Variants in PC observed in about 807,000 individuals in gnomAD.
PC encodes pyruvate carboxylase, mitochondrial.
In PC, 46 loss-of-function variants were observed where a neutral mutation model predicts 107.8. That is an observed-to-expected ratio of 0.43 (90% CI 0.34 to 0.55). The LOEUF is 0.55. PC is among the 20% of genes least tolerant of loss of function. The pLI, the probability that PC is intolerant of heterozygous loss-of-function variation, is 0.04. For synonymous variants in PC, 662 were observed against 684.7 expected, an observed-to-expected ratio of 0.97 and a Z score of 0.52; for missense variants, 1,241 against 1,643.1, an observed-to-expected ratio of 0.76 and a Z score of 4.23.
In PC at chr11:66,858,438, A is replaced by C; in HGVS notation, c.1369-5055T>G. ...TCCCGCCCCCCTGGTGCTGAGCTTT[A>C]GCGGGAACCCCCTGCACTGCAACTG... On this transcript the variant is annotated intron_variant, in intron 12 of 22. Coordinates refer to ENST00000393960, the MANE Select transcript of PC (RefSeq NM_001040716.2). The surrounding 1 kb of genome is among the most constrained non-coding windows in gnomAD (Gnocchi z 5.9). 6.4e-7 allele frequency: 1 copy of C among 1,552,850 alleles called. No homozygotes were observed. The highest frequency in any genetic ancestry group is 1.9e-5 in the Admixed American group (1 of 52,392).
At chr11:66,856,018 G>C (rs1242214452) in intron 12 of PC, among the ~76,000 whole-genome samples, 1 of 125,384 alleles carries the variant, frequency 8.0e-6, no homozygotes, top group Non-Finnish European at 1.6e-5. Flanking sequence ...GACACGGGGA[G>C]GTGGTGACTT....
At position 66,866,218 on chromosome 11, in the gene PC, C is replaced by T. The variant is rs772035822; in HGVS notation, c.1154G>A (p.Arg385His). The T allele has an allele frequency of 1.1e-5, 18 of 1,610,924 alleles. No individual in the cohort carries two copies. Among genetic ancestry groups the T allele is most frequent in the Non-Finnish European group, 1.4e-5 (16 of 1,179,618 alleles). ...QCRVTTEDPA[R>H]SFQPDTGRIE... ...GCGGCCGGTGTCCGGCTGGAAGCTG[C>T]GCGCGGGGTCCTCGGTGGTGACCCG... Residue 385 changes from arginine to histidine, a missense_variant, in exon 11 of 23, where the codon CGC becomes CAC. By Grantham distance (29) the Arg-to-His change is conservative (BLOSUM62 0). Around this residue, in one of 2 missense-constraint regions of PC, gnomAD observed 1,143 missense variants for 1,551.9 expected, o/e 0.74. Transcript: ENST00000393960. This position sits in a 1 kb window ranked among gnomAD's most constrained non-coding sequence, Gnocchi z 5.4.
At chr11:66,931,336 A>C (rs946855155) in intron 3 of PC, among the ~76,000 whole-genome samples, 1 of 147,796 alleles carries the variant, frequency 6.8e-6, no homozygotes, top group Non-Finnish European at 1.5e-5. Flanking sequence ...CCGAGATGGC[A>C]CCACTGCACT....
intron 3 of PC, among the ~76,000 whole-genome samples, chr11:66,901,285 G>A (rs1947948456): frequency 6.6e-6 from 1 of 152,144 alleles, no homozygotes; most frequent in Admixed American, 6.5e-5. Context: ...ATGAGACAGA[G>A]GCACAGGCGG....
chr11:66,916,030 A>C (rs544699746), intron 3 of PC, among the ~76,000 whole-genome samples: 21 of 152,114 alleles, frequency 1.4e-4, no homozygotes, highest in African/African-American at 4.8e-4. Flanking sequence ...CAAACACACC[A>C]ACTGTGTTTC....
chr11:66,861,531 A>G (rs1188163827), intron 12 of PC, among the ~76,000 whole-genome samples: 1 of 152,072 alleles, frequency 6.6e-6, no homozygotes, highest in East Asian at 1.9e-4. Context: ...GCCCCAGAAC[A>G]TGCAGCTAGA....
chr11:66,849,448 C>T lies in PC; in HGVS notation c.3148-78G>A, dbSNP rs1945338597. 8 of 1,606,088 alleles carry T rather than the reference C, an allele frequency of 5.0e-6. No individual in the cohort carries two copies. The South Asian group carries it at 7.7e-5, about 15-fold the overall frequency. On this transcript the variant is annotated intron_variant, in intron 21 of 22. Transcript: ENST00000393960. The stretch of plus-strand genomic sequence containing the variant: ...CCCCCGGCCCTGGCCATAGGAAGTC[C>T]CCACACTGGGCCTTGGCTCCTCGTT...
intron 3 of PC, among the ~76,000 whole-genome samples, chr11:66,903,703 G>C (rs1296763482): frequency 1.5e-5 from 2 of 129,210 alleles, no homozygotes; most frequent in African/African-American, 6.0e-5. Flanking sequence ...AGCCAAGATG[G>C]TGCCATTGCA....
rs2135795545 is a variant in PC at position 66,850,355 on chromosome 11, C to T, written c.2583G>A (p.Val861=). Reference sequence around the variant, plus strand: ...GGCCCCCTGGGATCTCATTTTCATACACGTCCGAGTTGCCAGACTTCATGG... The same window carrying T: ...GGCCCCCTGGGATCTCATTTTCATATACGTCCGAGTTGCCAGACTTCATGG... The part of the protein sequence containing the change: ...TATMKSGNSD[V]YENEIPGGQY... The change falls in exon 19 of 23, where the codon GTG becomes GTA. Residue 861 remains valine, a synonymous_variant. Transcript: ENST00000393960. 2 of 1,614,138 alleles carry T rather than the reference C, an allele frequency of 1.2e-6. No individual in the cohort carries two copies. Among genetic ancestry groups the T allele is most frequent in the Non-Finnish European group, 1.7e-6 (2 of 1,180,030 alleles).
chr11:66,954,765 G>A (rs1240606504), intron 1 of PC, among the ~76,000 whole-genome samples: 1 of 152,122 alleles, frequency 6.6e-6, no homozygotes, highest in Admixed American at 6.5e-5. Flanking sequence ...CCAACATAGT[G>A]AAACCCCATC....
At chr11:66,942,543 G>A (rs532302024) in intron 3 of PC, among the ~76,000 whole-genome samples, 3 of 152,214 alleles carry the variant, frequency 2.0e-5, no homozygotes, top group Admixed American at 1.3e-4. Context: ...GTCCAATTCA[G>A]AGACAGAAAG....
intron 2 of PC, among the ~76,000 whole-genome samples, chr11:66,953,135 C>T (rs1412308645): frequency 3.9e-5 from 6 of 152,220 alleles, no homozygotes; most frequent in South Asian, 2.1e-4. Flanking sequence ...TAAGTAAAAC[C>T]CTTTTCTGCC....
chr11:66,856,424 G>A (rs1012766826), intron 12 of PC, among the ~76,000 whole-genome samples: 9 of 151,926 alleles, frequency 5.9e-5, no homozygotes, highest in Non-Finnish European at 1.2e-4. Flanking sequence ...GCGGGGCGGC[G>A]GGGGCGGGGC....
intron 3 of PC, among the ~76,000 whole-genome samples, chr11:66,924,181 G>A (rs1273493314): frequency 1.2e-4 from 17 of 145,678 alleles, no homozygotes; most frequent in South Asian, 4.3e-4. Flanking sequence ...TAGCCTGGGC[G>A]ACAGAGCAAG....
At chr11:66,855,351 G>A (rs1945739828) in intron 12 of PC, among the ~76,000 whole-genome samples, 1 of 152,216 alleles carries the variant, frequency 6.6e-6, no homozygotes, top group Non-Finnish European at 1.5e-5. Flanking sequence ...GACAAAGTGT[G>A]TCGCCCAGGC....
intron 3 of PC, among the ~76,000 whole-genome samples, chr11:66,896,174 G>C (rs569268620): frequency 2.9e-4 from 44 of 152,150 alleles, no homozygotes; most frequent in African/African-American, 1.1e-3. Context: ...CCACCTCTTG[G>C]GTTCAAGCAA....
chr11:66,855,182 G>A (rs972122583), intron 12 of PC, among the ~76,000 whole-genome samples: 1 of 152,198 alleles, frequency 6.6e-6, no homozygotes, highest in African/African-American at 2.4e-5. Flanking sequence ...TCCCCTTTGT[G>A]ACTGTCGGGT....
chr11:66,879,420 T>C (rs112918668), intron 3 of PC, among the ~76,000 whole-genome samples: 6,150 of 152,182 alleles, frequency 0.04, 199 homozygotes, highest in African/African-American at 0.09. Context: ...CAAACAAAAG[T>C]AGTTGGGAGT....
At chr11:66,855,354 G>T (rs911099540) in intron 12 of PC, among the ~76,000 whole-genome samples, 1 of 152,112 alleles carries the variant, frequency 6.6e-6, no homozygotes, top group Non-Finnish European at 1.5e-5. Flanking sequence ...AAAGTGTGTC[G>T]CCCAGGCTGG....
Sources: gnomAD v4.1 joint callset for allele counts (sites outside exome capture counted in the v4.1 genomes callset) on GRCh38, gnomAD v4.1.1 for gene constraint, gnomAD v4.1.1 regional missense constraint, Gnocchi (gnomAD v3.1) non-coding constraint, MANE v1.5 for transcripts, NCBI Gene and HGNC (gene_info 2026-07-23, HGNC 2026-07-21) for gene names.